Variants in CADM1 observed in about 807,000 individuals in gnomAD.
CADM1 encodes TSLC-1.
A neutral mutation model predicts 53.1 loss-of-function variants in CADM1; 15 were observed. That is an observed-to-expected ratio of 0.28 (90% CI 0.19 to 0.44). The LOEUF (loss-of-function observed/expected upper bound fraction) is 0.44, where lower values mean the gene tolerates loss of function less well. Among genes scored for constraint, CADM1 ranks in the 20% least tolerant of loss-of-function variants. CADM1 has a pLI of 1.00. For missense variants in CADM1, 434 were observed against 611.3 expected (o/e 0.71, Z 3.06); for synonymous variants, 281 against 243.0 (o/e 1.16, Z -1.45).
At position 115,460,325 on chromosome 11, in the gene CADM1, A is replaced by T. The variant is rs1263305979; in HGVS notation, c.124+43946T>A. ...CACAACGTGAACAGCTCTTAAAATC[A>T]GTCCCAAAGGCCAGGCTTTTCAGGT... is the stretch of plus-strand genomic sequence containing the variant. On this transcript the variant is annotated intron_variant, in intron 1 of 11. Transcript: ENST00000331581. Among the ~76,000 whole-genome samples the T allele has an allele frequency of 2.0e-5, 3 of 152,186 alleles. No individual in the cohort carries two copies. The East Asian group carries it at 5.8e-4, about 29-fold the overall frequency.
chr11:115,234,351 C>T (rs1013672026), intron 3 of CADM1, among the ~76,000 whole-genome samples: 3 of 152,242 alleles, frequency 2.0e-5, no homozygotes, highest in Non-Finnish European at 4.4e-5. Context: ...AGATAAGGAT[C>T]GAGGAAAATT....
intron 1 of CADM1, among the ~76,000 whole-genome samples, chr11:115,353,435 G>A (rs905228361): frequency 2.0e-5 from 3 of 152,216 alleles, no homozygotes; most frequent in South Asian, 2.1e-4. Context: ...TCTAAATAGC[G>A]GCATGTTGCT....
At chr11:115,390,568 A>G (rs142192172) in intron 1 of CADM1, among the ~76,000 whole-genome samples, 1 of 151,844 alleles carries the variant, frequency 6.6e-6, no homozygotes, top group Admixed American at 6.6e-5. Flanking sequence ...GATCAGATGT[A>G]AGTGTTTAGT....
At chr11:115,302,244 A>AC (rs1190082671) in intron 1 of CADM1, among the ~76,000 whole-genome samples, 1 of 151,434 alleles carries the variant, frequency 6.6e-6, no homozygotes, top group Non-Finnish European at 1.5e-5. Flanking sequence ...TGTACAACAA[A>AC]CCCCCTTTAC....
chr11:115,249,148 T>TA (rs886577596), intron 1 of CADM1, among the ~76,000 whole-genome samples: 1 of 152,244 alleles, frequency 6.6e-6, no homozygotes, highest in African/African-American at 2.4e-5. Context: ...AGCTGGGTGG[T>TA]ATTCCAGCAT....
intron 10 of CADM1, among the ~76,000 whole-genome samples, chr11:115,181,188 CAGAG>C (rs956288967): frequency 1.3e-5 from 2 of 151,576 alleles, no homozygotes; most frequent in African/African-American, 2.4e-5. Context: ...AGGGGAGAGA[CAGAG>C]AGAGGCTCTG....
At chr11:115,184,877 TCTTAG>T (rs1351894279) in intron 10 of CADM1, among the ~76,000 whole-genome samples, 1 of 152,222 alleles carries the variant, frequency 6.6e-6, no homozygotes, top group East Asian at 1.9e-4. Flanking sequence ...CTCAGGGCTC[TCTTAG>T]ACTATCACTG....
intron 7 of CADM1, among the ~76,000 whole-genome samples, chr11:115,211,190 GT>G (rs1271472975): frequency 1.2e-4 from 8 of 64,008 alleles, no homozygotes; most frequent in Non-Finnish European, 4.8e-4. Context: ...GAGGCCACAG[GT>G]AGGGAAGCAT....
rs114057121 is a variant in CADM1 at position 115,218,717 on chromosome 11, A to G, written c.722-726T>C. Among the ~76,000 whole-genome samples, 755 of 152,336 alleles carry G rather than the reference A, an allele frequency of 5.0e-3. 2 individuals carry two copies. The highest frequency in any genetic ancestry group is 0.017 in the African/African-American group (714 of 41,582). ...GTATGTTGGGATAGATTTCTGATCC[A>G]TAAGTGCATTTCCAATGGCAATCCA... On this transcript the variant is annotated intron_variant, in intron 5 of 11. Transcript: ENST00000331581.
chr11:115,318,681 A>G (rs1370806172), intron 1 of CADM1, among the ~76,000 whole-genome samples: 1 of 152,192 alleles, frequency 6.6e-6, no homozygotes, highest in East Asian at 1.9e-4. Context: ...AGATACGGGA[A>G]TGGAAATGGA....
At chr11:115,391,519 G>T (rs2135183889) in intron 1 of CADM1, among the ~76,000 whole-genome samples, 1 of 152,298 alleles carries the variant, frequency 6.6e-6, no homozygotes, top group African/African-American at 2.4e-5. Context: ...AAAAGAAGTA[G>T]AAATAAAAGG....
intron 1 of CADM1, among the ~76,000 whole-genome samples, chr11:115,294,169 G>A (rs896845805): frequency 2.0e-5 from 3 of 152,088 alleles, no homozygotes; most frequent in African/African-American, 7.2e-5. Flanking sequence ...CTCTCCAGAC[G>A]TAGCCTCTGG....
At chr11:115,301,886 CAG>C (rs1455167554) in intron 1 of CADM1, among the ~76,000 whole-genome samples, 1 of 152,020 alleles carries the variant, frequency 6.6e-6, no homozygotes, top group Non-Finnish European at 1.5e-5. Flanking sequence ...TTTGTTGTGA[CAG>C]AATTGTTCTG....
intron 1 of CADM1, among the ~76,000 whole-genome samples, chr11:115,371,859 T>G (rs538077454): frequency 6.6e-6 from 1 of 152,182 alleles, no homozygotes; most frequent in South Asian, 2.1e-4. Context: ...GAAAATCACT[T>G]TAAACATAAA....
intron 1 of CADM1, among the ~76,000 whole-genome samples, chr11:115,434,860 A>ATTT (rs35368859): frequency 2.3e-4 from 30 of 132,842 alleles, no homozygotes; most frequent in Non-Finnish European, 3.6e-4. Context: ...TATTATTATT[A>ATTT]TTATTTTTTT....
Position 115,504,285 on chromosome 11 carries a change from G to T in CADM1, c.110C>A (p.Ala37Glu). The T allele has an allele frequency of 6.4e-7, 1 of 1,570,170 alleles. No individual in the cohort carries two copies. The highest frequency in any genetic ancestry group is 8.6e-7 in the Non-Finnish European group (1 of 1,158,342). ...RLLLLLFSAA[A>E]LIPTGDGQNL... ...CCCACACCTACCTGTGGGGATCAGT[G>T]CCGCGGCGGAGAAGAGCAACAGCAG... The change falls in exon 1 of 12, where the codon GCA (alanine) becomes GAA (glutamate). Residue 37 changes from alanine (A) to glutamate (E), a missense_variant. Physicochemically the swap from Ala to Glu is moderately radical, Grantham distance 107. Around this residue, in one of 4 missense-constraint regions of CADM1, gnomAD observed 76 missense variants for 59.8 expected, o/e 1.27. Coordinates refer to ENST00000331581, the MANE Select transcript of CADM1 (RefSeq NM_001301043.2).
intron 1 of CADM1, among the ~76,000 whole-genome samples, chr11:115,374,943 AT>A (rs1404488366): frequency 1.3e-5 from 2 of 152,212 alleles, no homozygotes; most frequent in Non-Finnish European, 2.9e-5. Context: ...AGTAATAATA[AT>A]ATAAGGCAAT....
chr11:115,269,666 A>G (rs1487367357), intron 1 of CADM1, among the ~76,000 whole-genome samples: 1 of 152,216 alleles, frequency 6.6e-6, no homozygotes, highest in African/African-American at 2.4e-5. Flanking sequence ...TCCAAACCAC[A>G]GAAGCCAGGA....
chr11:115,270,648 T>C (rs919274750), intron 1 of CADM1, among the ~76,000 whole-genome samples: 1 of 152,182 alleles, frequency 6.6e-6, no homozygotes, highest in African/African-American at 2.4e-5. Context: ...TACAGACAAA[T>C]GTTGATACCT....
Sources: gnomAD v4.1 joint callset for allele counts (sites outside exome capture counted in the v4.1 genomes callset) on GRCh38, gnomAD v4.1.1 for gene constraint, gnomAD v4.1.1 regional missense constraint, MANE v1.5 for transcripts, NCBI Gene and HGNC (gene_info 2026-07-23, HGNC 2026-07-21) for gene names.